The following GPC5 variants were observed in gnomAD, a reference collection of about 807,000 sequenced individuals.
The protein encoded by GPC5 is glypican 5.
A neutral mutation model predicts 53.9 loss-of-function variants in GPC5; 47 were observed. The observed-to-expected ratio is 0.87, with a 90% CI of 0.69 to 1.11. The LOEUF (loss-of-function observed/expected upper bound fraction) is 1.11, where lower values mean the gene tolerates loss of function less well. Ranked by LOEUF, GPC5 falls within the 50% of genes most tolerant of loss-of-function variation. The pLI is 0.00. For missense variants in GPC5, 748 were observed against 713.1 expected, an observed-to-expected ratio of 1.05 and a Z score of -0.56; for synonymous variants, 286 against 263.3, an observed-to-expected ratio of 1.09 and a Z score of -0.84.
intron 6 of GPC5, among the ~76,000 whole-genome samples, chr13:92,123,417 T>A (rs906999407): frequency 1.3e-5 from 2 of 152,190 alleles, no homozygotes; most frequent in Non-Finnish European, 2.9e-5. Flanking sequence ...AGACTGACTT[T>A]AAAATATGAT....
chr13:92,457,093 C>T (rs1005834926), intron 7 of GPC5, among the ~76,000 whole-genome samples: 1 of 152,068 alleles, frequency 6.6e-6, no homozygotes, highest in African/African-American at 2.4e-5. Flanking sequence ...CACGTGAGAA[C>T]ATGCGGTATT....
chr13:91,702,959 G>T (rs1330072164), intron 3 of GPC5, among the ~76,000 whole-genome samples: 3 of 152,000 alleles, frequency 2.0e-5, no homozygotes, highest in Non-Finnish European at 2.9e-5. Context: ...AAGTGCTACA[G>T]ATTTTATGTT....
chr13:91,445,687 C>T (rs1880752844), intron 1 of GPC5, among the ~76,000 whole-genome samples: 1 of 152,134 alleles, frequency 6.6e-6, no homozygotes, highest in Non-Finnish European at 1.5e-5. Context: ...GTTGGCCAGG[C>T]TGGTCTCGAA....
chr13:92,592,423 T>A (rs537302615), intron 7 of GPC5, among the ~76,000 whole-genome samples: 1 of 151,500 alleles, frequency 6.6e-6, no homozygotes, highest in East Asian at 1.9e-4. Flanking sequence ...TCCATTTTTT[T>A]CTTCTCTCAC....
At chr13:91,806,647 A>G (rs1431997396) in intron 5 of GPC5, among the ~76,000 whole-genome samples, 1 of 152,212 alleles carries the variant, frequency 6.6e-6, no homozygotes, top group Non-Finnish European at 1.5e-5. Context: ...AGATAAGGTC[A>G]GTAACTTCTC....
intron 7 of GPC5, among the ~76,000 whole-genome samples, chr13:92,730,619 C>T (rs921476262): frequency 2.0e-5 from 3 of 150,422 alleles, no homozygotes; most frequent in Admixed American, 6.7e-5. Context: ...TTTTTGCAAG[C>T]GGATGTCCAA....
chr13:92,232,899 G>T (rs1473204639), intron 7 of GPC5, among the ~76,000 whole-genome samples: 1 of 152,136 alleles, frequency 6.6e-6, no homozygotes, highest in Non-Finnish European at 1.5e-5. Flanking sequence ...GAGTATTGAA[G>T]CAGTTTTCAA....
intron 7 of GPC5, among the ~76,000 whole-genome samples, chr13:92,417,672 A>G (rs1876374005): frequency 6.6e-6 from 1 of 152,138 alleles, no homozygotes; most frequent in Non-Finnish European, 1.5e-5. Context: ...GAGGATTTCG[A>G]GGCCAACCTG....
At chr13:92,718,421 T>A (rs1399675337) in intron 7 of GPC5, among the ~76,000 whole-genome samples, 1 of 152,072 alleles carries the variant, frequency 6.6e-6, no homozygotes, top group Non-Finnish European at 1.5e-5. Context: ...AACTGGAGGA[T>A]ATTATGTGAA....
intron 7 of GPC5, among the ~76,000 whole-genome samples, chr13:92,207,648 GC>G (rs2042347095): frequency 6.6e-6 from 1 of 152,152 alleles, no homozygotes; most frequent in Non-Finnish European, 1.5e-5. Context: ...ATATAATCCA[GC>G]CCTTCTTGCC....
intron 7 of GPC5, among the ~76,000 whole-genome samples, chr13:92,344,297 A>G (rs1030468327): frequency 6.6e-6 from 1 of 152,080 alleles, no homozygotes; most frequent in Non-Finnish European, 1.5e-5. Flanking sequence ...ACTCACTATC[A>G]TGAGAACGAC....
chr13:91,514,805 A>G (rs1289437686), intron 2 of GPC5, among the ~76,000 whole-genome samples: 1 of 152,130 alleles, frequency 6.6e-6, no homozygotes. Flanking sequence ...ATTGGTCACC[A>G]TTATTTTTAT....
intron 7 of GPC5, among the ~76,000 whole-genome samples, chr13:92,589,549 A>G (rs1417703150): frequency 6.6e-6 from 1 of 152,220 alleles, no homozygotes; most frequent in East Asian, 1.9e-4. Flanking sequence ...CCTAAACATC[A>G]TAAAATTGTT....
intron 7 of GPC5, among the ~76,000 whole-genome samples, chr13:92,842,971 C>CTTATTA (rs1878481914): frequency 1.3e-5 from 2 of 152,104 alleles, no homozygotes; most frequent in Admixed American, 1.3e-4. Context: ...GACATAGATC[C>CTTATTA]ACTGATTTAT....
intron 7 of GPC5, among the ~76,000 whole-genome samples, chr13:92,273,180 C>A (rs953709073): frequency 2.6e-5 from 4 of 152,078 alleles, no homozygotes; most frequent in African/African-American, 9.7e-5. Flanking sequence ...TAAAATATCT[C>A]TGGACCACAG....
chr13:92,768,414 T>C (rs781323755), intron 7 of GPC5, among the ~76,000 whole-genome samples: 7 of 152,142 alleles, frequency 4.6e-5, no homozygotes, highest in Non-Finnish European at 8.8e-5. Context: ...TATTTGGATT[T>C]CCATGCATGT....
At chr13:91,836,921 A>G (rs2038728346) in intron 5 of GPC5, among the ~76,000 whole-genome samples, 1 of 151,410 alleles carries the variant, frequency 6.6e-6, no homozygotes. Flanking sequence ...TCCTATAAAA[A>G]TTTGGCCAAA....
chr13:91,950,266 GTTT>G (rs35957614), intron 6 of GPC5, among the ~76,000 whole-genome samples: 2,564 of 122,600 alleles, frequency 0.021, 75 homozygotes, highest in African/African-American at 0.074. Context: ...AAACTGCCAA[GTTT>G]TTTTTTTTTT....
At chr13:91,439,443 G>A (rs1171972585) in intron 1 of GPC5, among the ~76,000 whole-genome samples, 1 of 152,180 alleles carries the variant, frequency 6.6e-6, no homozygotes, top group African/African-American at 2.4e-5. Flanking sequence ...AAAATCTTCA[G>A]TATTTGATAC....
Sources: gnomAD v4.1 joint callset for allele counts (sites outside exome capture counted in the v4.1 genomes callset) on GRCh38, gnomAD v4.1.1 for gene constraint, MANE v1.5 for transcripts, NCBI Gene and HGNC (gene_info 2026-07-23, HGNC 2026-07-21) for gene names.